The following ARHGAP29 variants were observed in gnomAD, a reference collection of about 807,000 sequenced individuals.
ARHGAP29 encodes rho GTPase-activating protein 29.
In ARHGAP29, 43 loss-of-function variants were observed where a neutral mutation model predicts 122.6. The ratio of observed to expected loss-of-function variants is 0.35; its 90% confidence interval spans 0.27 to 0.45. The LOEUF (loss-of-function observed/expected upper bound fraction) is 0.45. Among genes scored for constraint, ARHGAP29 ranks in the 20% least tolerant of loss-of-function variants. The pLI is 1.00. For missense variants in ARHGAP29, 1,303 were observed against 1,477.2 expected, an observed-to-expected ratio of 0.88 and a Z score of 1.93; for synonymous variants, 506 against 497.1, an observed-to-expected ratio of 1.02 and a Z score of -0.24.
intron 3 of ARHGAP29, among the ~76,000 whole-genome samples, chr1:94,211,881 T>A (rs974224971): frequency 2.6e-5 from 4 of 152,130 alleles, no homozygotes; most frequent in Non-Finnish European, 4.4e-5. Flanking sequence ...ATTAGGTATA[T>A]CTCCTAATGC....
Position 94,186,486 on chromosome 1 carries a change from G to A in ARHGAP29, c.1780+13C>T, listed in dbSNP as rs375404646. The A allele has an allele frequency of 2.9e-3, 4,542 of 1,593,440 alleles. 4 individuals carry two copies. The highest frequency in any genetic ancestry group is 3.3e-3 in the Non-Finnish European group (3,838 of 1,161,714). ...GCTGGTTTAGTGGGACTTAATTCAG[G>A]TAAATACAATACCAGTTTCTGAAGG... is the stretch of plus-strand genomic sequence containing the variant. On this transcript the variant is annotated intron_variant, in intron 16 of 22. Coordinates refer to ENST00000260526, the MANE Select transcript of ARHGAP29 (RefSeq NM_004815.4).
At chr1:94,210,375 CA>C (rs1651507995) in intron 3 of ARHGAP29, among the ~76,000 whole-genome samples, 1 of 152,178 alleles carries the variant, frequency 6.6e-6, no homozygotes, top group Non-Finnish European at 1.5e-5. Context: ...ATTCAGATTT[CA>C]TAGGTACGTG....
intron 9 of ARHGAP29, 49 bp downstream of exon 9, chr1:94,203,051 G>A (rs1305221566): frequency 5.0e-6 from 8 of 1,597,010 alleles, no homozygotes; most frequent in Non-Finnish European, 6.0e-6. Flanking sequence ...CTAATGGCAT[G>A]CCATTGCTTA....
chr1:94,196,250 G>GTTTTTTT (rs1557852105), intron 12 of ARHGAP29, among the ~76,000 whole-genome samples: 1 of 39,092 alleles, frequency 2.6e-5, no homozygotes, highest in African/African-American at 7.2e-5. Flanking sequence ...ATTTTTCCGT[G>GTTTTTTT]TTTTTCTTTT....
At chr1:94,204,567 TCTC>T (rs1389187357) in intron 7 of ARHGAP29, among the ~76,000 whole-genome samples, 1 of 150,050 alleles carries the variant, frequency 6.7e-6, no homozygotes, top group African/African-American at 2.5e-5. Flanking sequence ...CCTTAAGAAA[TCTC>T]CTGTCTTGTC....
chr1:94,170,378 T>C lies in ARHGAP29; in HGVS notation c.*3491A>G, dbSNP rs925427903. Among the ~76,000 whole-genome samples the C allele has an allele frequency of 1.3e-5, 2 of 152,176 alleles. No individual in the cohort carries two copies. The highest frequency in any genetic ancestry group is 2.9e-5 in the Non-Finnish European group (2 of 68,030). On this transcript the variant is annotated 3_prime_UTR_variant, in exon 23 of 23. Coordinates refer to ENST00000260526, the MANE Select transcript of ARHGAP29 (RefSeq NM_004815.4). ...CAAAACTGAGGAACTTTCTACAAAC[T>C]GGCCAATCCTCCTCAAGTGTCAAGG...
chr1:94,235,000 G>C (rs906354740), intron 1 of ARHGAP29, among the ~76,000 whole-genome samples: 1 of 151,886 alleles, frequency 6.6e-6, no homozygotes. Flanking sequence ...AAAACTGCTG[G>C]AACATTTTTA....
At chr1:94,223,509 G>C (rs1295911808) in intron 2 of ARHGAP29, among the ~76,000 whole-genome samples, 1 of 152,036 alleles carries the variant, frequency 6.6e-6, no homozygotes, top group Admixed American at 6.6e-5. Flanking sequence ...ACAGTGGCTG[G>C]AACACAGTAG....
rs777566216 is a variant in ARHGAP29 at position 94,177,660 on chromosome 1, AT to A, written c.2856del (p.Glu952AspfsTer9). 2.5e-6 allele frequency: 4 copies of A among 1,613,494 alleles called. No individual in the cohort carries two copies. The highest frequency in any genetic ancestry group is 3.4e-6 in the Non-Finnish European group (4 of 1,179,832). ...CCTAACGCATTTTGCTTGCGTTCTG[AT>A]TCCTCAAATGATGTAGCTCGTTCAA... Reference protein sequence around the residue: ...KIFERATSFEESERKQNALGK... With the variant: ...KIFERATSFEXSERKQNALGK... On this transcript the variant is annotated frameshift_variant, in exon 22 of 23. Coordinates refer to ENST00000260526, the MANE Select transcript of ARHGAP29 (RefSeq NM_004815.4). LOFTEE classifies it low-confidence loss of function (END_TRUNC).
rs760577844 is a variant in ARHGAP29, at chr1:94,203,220, A to G, written c.763-10T>C. ...GCAGTGGCATGAACTCCTAAAATTT[A>G]AAATTGAAAAGTAAATTTTACAATA... is the stretch of plus-strand genomic sequence containing the variant. On this transcript the variant is annotated splice_polypyrimidine_tract_variant and intron_variant, in intron 8 of 22. Coordinates refer to ENST00000260526, the MANE Select transcript of ARHGAP29 (RefSeq NM_004815.4). 18 of 1,571,306 alleles carry G rather than the reference A, an allele frequency of 1.1e-5. No homozygotes were observed. The highest frequency in any genetic ancestry group is 2.3e-5 in the East Asian group (1 of 44,422).
intron 1 of ARHGAP29, among the ~76,000 whole-genome samples, chr1:94,258,409 C>G (rs1349509944): frequency 6.6e-6 from 1 of 152,012 alleles, no homozygotes; most frequent in African/African-American, 2.4e-5. Flanking sequence ...TAAAATTGTC[C>G]AGGCCAAATA....
Position 94,208,711 on chromosome 1 carries a change from C to T in ARHGAP29, c.510+121G>A, listed in dbSNP as rs532223506. On this transcript the variant is annotated intron_variant, in intron 5 of 22. Transcript: ENST00000260526. ...CTGACTTCAGACAATCCGCCCACCTCGGCCTCCCAAAGTGCTGGGATTACA... is the reference window on the plus strand; with the variant it reads ...CTGACTTCAGACAATCCGCCCACCTTGGCCTCCCAAAGTGCTGGGATTACA... 1.1e-4 allele frequency: 91 copies of T among 866,410 alleles called. 1 individual carries two copies. Among genetic ancestry groups the T allele is most frequent in the Middle Eastern group, 7.3e-4 (3 of 4,118 alleles). The allele number at this position is 866,410 out of a possible 1,614,324, so 53.7% of individuals were successfully genotyped here. A position where few individuals can be genotyped will look rare whatever the true frequency, so the allele number is the denominator to read the frequency against.
chr1:94,311,407 T>C, the ARHGAP29 span, among the ~76,000 whole-genome samples: 2 of 152,104 alleles, frequency 1.3e-5, no homozygotes, highest in African/African-American at 4.8e-5. Context: ...CACCAACCAG[T>C]CTGTCCCTGG....
intron 1 of ARHGAP29, among the ~76,000 whole-genome samples, chr1:94,236,116 C>T (rs1653234747): frequency 6.6e-6 from 1 of 152,108 alleles, no homozygotes; most frequent in South Asian, 2.1e-4. Context: ...CATCCTAAAA[C>T]GATGATTAAA....
At chr1:94,287,648 C>G in the ARHGAP29 span, among the ~76,000 whole-genome samples, 1 of 152,038 alleles carries the variant, frequency 6.6e-6, no homozygotes, top group Admixed American at 6.6e-5. Flanking sequence ...TGCTATCCCC[C>G]CCAGCTCCCC....
chr1:94,174,721 C>G lies in ARHGAP29; in HGVS notation c.2934G>C (p.Glu978Asp), dbSNP rs778060849. ...CTATCTTTTGGGATGCTGATTCAGC[C>G]TCTTGGTCTAGAAGCAACTGTGCTT... ...SDKAQLLLDQ[E>D]AESASQKIED... The change falls in exon 23 of 23, where the codon GAG (glutamate) becomes GAC (aspartate). Residue 978 changes from glutamate (E) to aspartate (D), a missense_variant. Physicochemically the swap from Glu to Asp is conservative, Grantham distance 45. Around this residue, in one of 3 missense-constraint regions of ARHGAP29, gnomAD observed 620 missense variants for 651.2 expected, o/e 0.95. Coordinates refer to ENST00000260526, the MANE Select transcript of ARHGAP29 (RefSeq NM_004815.4). 35 of 1,613,810 alleles carry G rather than the reference C, an allele frequency of 2.2e-5. No individual in the cohort carries two copies. Among genetic ancestry groups the G allele is most frequent in the South Asian group, 2.1e-4 (19 of 91,056 alleles).
chr1:94,175,061 A>T (rs1326119847), intron 22 of ARHGAP29, among the ~76,000 whole-genome samples: 1 of 152,208 alleles, frequency 6.6e-6, no homozygotes, highest in Non-Finnish European at 1.5e-5. Flanking sequence ...AAAGACTATC[A>T]CAATTTCAAT....
Position 94,208,836 on chromosome 1 carries a change from G to A in ARHGAP29, c.506C>T (p.Thr169Ile), listed in dbSNP as rs147597337. ...TTTCACACAAACTTAGCTTACCTTA[G>A]TTTCTCGAGAAACAGGCAGTCGCAA... ...SLLRLPVSRE[T>I]KSFENVSVES... The change falls in exon 5 of 23, where the codon ACT becomes ATT. Residue 169 changes from threonine to isoleucine, a missense_variant. Physicochemically the swap from Thr to Ile is moderately conservative, Grantham distance 89. Transcript: ENST00000260526. 1.2e-6 allele frequency: 2 copies of A among 1,613,724 alleles called. No homozygotes were observed. Among genetic ancestry groups the A allele is most frequent in the African/African-American group, 2.7e-5 (2 of 74,982 alleles).
At chr1:94,283,639 T>C in the ARHGAP29 span, among the ~76,000 whole-genome samples, 1 of 152,146 alleles carries the variant, frequency 6.6e-6, no homozygotes, top group East Asian at 1.9e-4. Flanking sequence ...TTGCACTCAG[T>C]TTTTAGTGGA....
Sources: allele counts gnomAD v4.1 joint callset (sites outside exome capture counted in the v4.1 genomes callset), GRCh38; gene constraint gnomAD v4.1.1; regional missense constraint gnomAD v4.1.1; transcripts MANE v1.5; gene names NCBI Gene and HGNC (gene_info 2026-07-23, HGNC 2026-07-21).